The following ENOX1 variants were observed in gnomAD, a reference collection of about 807,000 sequenced individuals.
ENOX1 encodes the protein ecto-NOX disulfide-thiol exchanger 1.
In ENOX1, 42 loss-of-function variants were observed where a neutral mutation model predicts 82.5. That is an observed-to-expected ratio of 0.51 (90% CI 0.40 to 0.66). The LOEUF (loss-of-function observed/expected upper bound fraction) is 0.66. Ranked by LOEUF, ENOX1 falls within the 30% of genes least tolerant of loss-of-function variation. The pLI, the probability that ENOX1 is intolerant of heterozygous loss-of-function variation, is 0.00. For synonymous variants in ENOX1, 271 were observed against 282.2 expected (o/e 0.96, Z 0.40); for missense variants, 608 against 811.6 (o/e 0.75, Z 3.05).
rs1490083978 is a variant in ENOX1 at position 43,470,362 on chromosome 13, A to G, written c.-75+13647T>C. Reference sequence around the variant, plus strand: ...TATACGTATATATATATGTATATATATACGTATATATATACATATATATAC... The same window carrying G: ...TATACGTATATATATATGTATATATGTACGTATATATATACATATATATAC... On this transcript the variant is annotated intron_variant, in intron 3 of 16. Transcript: ENST00000690772. Among the ~76,000 whole-genome samples the G allele has an allele frequency of 4.3e-4, 23 of 53,526 alleles. 7 individuals are homozygous for G. The East Asian group carries it at 6.4e-3, about 15-fold the overall frequency. 35.1% of individuals were successfully genotyped at this position (53,526 alleles called of 152,430 possible).
intron 14 of ENOX1, among the ~76,000 whole-genome samples, chr13:43,237,890 G>A (rs553672574): frequency 3.9e-5 from 6 of 152,112 alleles, no homozygotes; most frequent in African/African-American, 9.7e-5. Flanking sequence ...GTAATCCAGG[G>A]GTAATTAGAA....
Position 43,279,026 on chromosome 13 carries a change from CA to C in ENOX1, c.1447-9450del, listed in dbSNP as rs573016823. On this transcript the variant is annotated intron_variant, in intron 12 of 16. Coordinates refer to ENST00000690772, the MANE Select transcript of ENOX1 (RefSeq NM_001347969.2). ...TAAATTTCACTAGGTGCACAATTAT[CA>C]GGCAGCCAGTGCCTGAGACGGGGAG... is the stretch of plus-strand genomic sequence containing the variant. Among the ~76,000 whole-genome samples, 375 of 152,238 alleles carry C rather than the reference CA, an allele frequency of 2.5e-3. 1 individual carries two copies. The highest frequency in any genetic ancestry group is 8.6e-3 in the African/African-American group (358 of 41,530).
intron 2 of ENOX1, among the ~76,000 whole-genome samples, chr13:43,609,607 T>C (rs2082115686): frequency 6.6e-6 from 1 of 152,218 alleles, no homozygotes; most frequent in Non-Finnish European, 1.5e-5. Context: ...TTATAAAGTA[T>C]AGCACATGTA....
At chr13:43,658,248 A>G (rs1257838867) in intron 2 of ENOX1, among the ~76,000 whole-genome samples, 1 of 152,238 alleles carries the variant, frequency 6.6e-6, no homozygotes, top group East Asian at 1.9e-4. Context: ...AGCTTCCTAC[A>G]TTATTTAGTA....
chr13:43,563,028 C>G (rs947940322), intron 2 of ENOX1, among the ~76,000 whole-genome samples: 34 of 152,114 alleles, frequency 2.2e-4, no homozygotes, highest in African/African-American at 8.2e-4. Context: ...GCACTATAGA[C>G]TAAATGGACC....
intron 3 of ENOX1, among the ~76,000 whole-genome samples, chr13:43,436,758 T>C (rs2056056416): frequency 6.6e-6 from 1 of 152,216 alleles, no homozygotes. Flanking sequence ...GAAAACTTTT[T>C]TTTTTAAGGT....
intron 2 of ENOX1, among the ~76,000 whole-genome samples, chr13:43,522,529 A>G (rs1276022491): frequency 6.6e-6 from 1 of 152,104 alleles, no homozygotes; most frequent in Non-Finnish European, 1.5e-5. Flanking sequence ...AATGAAGGAG[A>G]TAAGATTGGA....
rs576381575 is a variant in ENOX1, at chr13:43,643,658, T to TAC, written c.-219+23820_-219+23821insGT. Among the ~76,000 whole-genome samples the TAC allele has an allele frequency of 2.5e-4, 36 of 144,974 alleles. No homozygotes were observed. In the East Asian group the frequency reaches 7.4e-3, roughly 30 times the overall value. ...GTATATATATATATATACACACACA[T>TAC]ATATATATACATGCACATACATATA... is the stretch of plus-strand genomic sequence containing the variant. On this transcript the variant is annotated intron_variant, in intron 2 of 16. Coordinates refer to ENST00000690772, the MANE Select transcript of ENOX1 (RefSeq NM_001347969.2).
intron 2 of ENOX1, among the ~76,000 whole-genome samples, chr13:43,577,727 G>A (rs1017696546): frequency 3.9e-5 from 6 of 152,178 alleles, no homozygotes; most frequent in Admixed American, 2.0e-4. Context: ...TTTTGGAGGA[G>A]TCCTCCAGAC....
rs1014797901 is a variant in ENOX1, at chr13:43,759,437, C to T, written c.-285+27215G>A. ...GTTTCTATAAAGCTATGTAAGTAAA[C>T]ATATATCCAAAGAGTCATAGAACCT... On this transcript the variant is annotated intron_variant, in intron 1 of 16. Coordinates refer to ENST00000690772, the MANE Select transcript of ENOX1 (RefSeq NM_001347969.2). 5.9e-5 allele frequency among the ~76,000 whole-genome samples: 9 copies of T among 152,220 alleles called. 1 individual carries two copies. In the South Asian group the frequency reaches 1.5e-3, roughly 25 times the overall value.
chr13:43,586,795 T>C (rs1593962056), intron 2 of ENOX1, among the ~76,000 whole-genome samples: 1 of 152,174 alleles, frequency 6.6e-6, no homozygotes, highest in South Asian at 2.1e-4. Context: ...AAAGAGGCGG[T>C]GGCTCACGCC....
Position 43,585,122 on chromosome 13 carries a change from C to T in ENOX1, c.-219+82357G>A, listed in dbSNP as rs541114470. Among the ~76,000 whole-genome samples the T allele has an allele frequency of 2.6e-5, 4 of 152,224 alleles. No homozygotes were observed. The East Asian group carries it at 5.8e-4, about 22-fold the overall frequency. ...TGATCCTATGGACTCTATGTAATCA[C>T]AAGGGTCCTATAAAGAGGGAGGCAG... On this transcript the variant is annotated intron_variant, in intron 2 of 16. Coordinates refer to ENST00000690772, the MANE Select transcript of ENOX1 (RefSeq NM_001347969.2).
chr13:43,415,113 T>C (rs964324201), intron 3 of ENOX1, among the ~76,000 whole-genome samples: 3 of 152,116 alleles, frequency 2.0e-5, no homozygotes, highest in African/African-American at 7.2e-5. Context: ...ACTGCTACTG[T>C]TCCACTGAAA....
At chr13:43,548,694 C>G (rs1331288486) in intron 2 of ENOX1, among the ~76,000 whole-genome samples, 1 of 152,160 alleles carries the variant, frequency 6.6e-6, no homozygotes, top group Non-Finnish European at 1.5e-5. Flanking sequence ...ATGGCCAGCC[C>G]TGGTGGCCTA....
intron 2 of ENOX1, among the ~76,000 whole-genome samples, chr13:43,496,944 A>G (rs1299519299): frequency 1.3e-5 from 2 of 152,092 alleles, no homozygotes; most frequent in Non-Finnish European, 2.9e-5. Flanking sequence ...TTTAGAACCA[A>G]TTTATTAATT....
rs373900524 is a variant in ENOX1 at position 43,630,860 on chromosome 13, T to TACACACACACACACAC, written c.-219+36618_-219+36619insGTGTGTGTGTGTGTGT. 9.1e-3 allele frequency among the ~76,000 whole-genome samples: 1,352 copies of TACACACACACACACAC among 147,784 alleles called. 28 individuals carry two copies. The highest frequency in any genetic ancestry group is 0.03 in the African/African-American group (1,217 of 39,964). On this transcript the variant is annotated intron_variant, in intron 2 of 16. Transcript: ENST00000690772. ...CCACACACACACATATATATATATA[T>TACACACACACACACAC]ACACACACACACACATATATATACA... is the stretch of plus-strand genomic sequence containing the variant.
chr13:43,636,360 G>A (rs551813894), intron 2 of ENOX1, among the ~76,000 whole-genome samples: 1 of 152,204 alleles, frequency 6.6e-6, no homozygotes, highest in African/African-American at 2.4e-5. Context: ...TGGAACCATG[G>A]GAAGATAACT....
At chr13:43,662,046 T>G (rs1040229023) in intron 2 of ENOX1, among the ~76,000 whole-genome samples, 1 of 152,192 alleles carries the variant, frequency 6.6e-6, no homozygotes, top group African/African-American at 2.4e-5. Flanking sequence ...CTTCTCTTTC[T>G]GTGCACATAG....
intron 16 of ENOX1, among the ~76,000 whole-genome samples, chr13:43,218,052 G>T (rs550089138): frequency 4.6e-5 from 7 of 152,268 alleles, no homozygotes; most frequent in Admixed American, 2.0e-4. Flanking sequence ...GTGGAACTTA[G>T]GCACAGAGAT....
Sources: gnomAD v4.1 joint callset for allele counts (sites outside exome capture counted in the v4.1 genomes callset) on GRCh38, gnomAD v4.1.1 for gene constraint, MANE v1.5 for transcripts, NCBI Gene and HGNC (gene_info 2026-07-23, HGNC 2026-07-21) for gene names.